FNDC3B: variants seen among roughly 807,000 people sequenced by gnomAD.
FNDC3B encodes the protein fibronectin type III domain-containing protein 3B.
In FNDC3B, 12 loss-of-function variants were observed where a neutral mutation model predicts 151.5. The ratio of observed to expected loss-of-function variants is 0.08; its 90% CI spans 0.05 to 0.13. The LOEUF is 0.13. FNDC3B is among the 10% of genes least tolerant of loss of function. The probability of loss-of-function intolerance (pLI) is 1.00; values close to 1 mark genes in which losing one functional copy is unlikely to be tolerated. For synonymous variants in FNDC3B, 528 were observed against 549.0 expected (o/e 0.96, Z 0.54); for missense variants, 1,214 against 1,505.3 (o/e 0.81, Z 3.20).
chr3:172,259,536 C>T (rs1359410686), intron 6 of FNDC3B, among the ~76,000 whole-genome samples: 1 of 152,172 alleles, frequency 6.6e-6, no homozygotes, highest in East Asian at 1.9e-4. Context: ...TGGGCCTTAT[C>T]CTGCAGGCCC....
chr3:172,166,023 A>G (rs990105579), intron 3 of FNDC3B, among the ~76,000 whole-genome samples: 1 of 151,496 alleles, frequency 6.6e-6, no homozygotes, highest in African/African-American at 2.4e-5. Flanking sequence ...TCTTTTATGC[A>G]TGAAGGGCCT....
At chr3:172,047,877 C>T (rs1716439402) in intron 1 of FNDC3B, among the ~76,000 whole-genome samples, 1 of 152,050 alleles carries the variant, frequency 6.6e-6, no homozygotes, top group Admixed American at 6.6e-5. Context: ...CATTTGATGG[C>T]AGATTGGGGA....
intron 1 of FNDC3B, among the ~76,000 whole-genome samples, chr3:172,070,194 G>GCTAA (rs1255347819): frequency 6.6e-6 from 1 of 152,232 alleles, no homozygotes; most frequent in East Asian, 1.9e-4. Flanking sequence ...TTTTCAACAT[G>GCTAA]CTAACATTTT....
At chr3:172,343,882 G>C (rs1404736527) in intron 18 of FNDC3B, among the ~76,000 whole-genome samples, 1 of 152,104 alleles carries the variant, frequency 6.6e-6, no homozygotes, top group Non-Finnish European at 1.5e-5. Flanking sequence ...AACTTCAGTG[G>C]ACCCGCTTTG....
chr3:172,306,872 A>G (rs1284148408), intron 9 of FNDC3B: 3 of 152,798 alleles, frequency 2.0e-5, no homozygotes, highest in African/African-American at 7.2e-5. Context: ...CTAGTTTTAC[A>G]TAAATGTGTA....
chr3:172,105,076 C>T (rs1051642641), intron 1 of FNDC3B, among the ~76,000 whole-genome samples: 1 of 152,064 alleles, frequency 6.6e-6, no homozygotes, highest in African/African-American at 2.4e-5. Flanking sequence ...AACTGACTAC[C>T]TTGCTTTGCT....
At chr3:172,127,335 T>G (rs910114305) in intron 2 of FNDC3B, among the ~76,000 whole-genome samples, 1 of 152,208 alleles carries the variant, frequency 6.6e-6, no homozygotes, top group Admixed American at 6.5e-5. Context: ...TGAATTGACA[T>G]GGTGAAACCA....
Position 172,399,769 on chromosome 3 carries a change from GT to G in FNDC3B, c.*2296del, listed in dbSNP as rs1445418117. 2 of 152,704 alleles carry G rather than the reference GT, an allele frequency of 1.3e-5. No homozygotes were observed. Among genetic ancestry groups the G allele is most frequent in the South Asian group, 2.1e-4 (1 of 4,832 alleles). The allele number at this position is 152,704 out of a possible 1,614,324, so 9.5% of individuals were successfully genotyped here. On this transcript the variant is annotated 3_prime_UTR_variant, in exon 26 of 26. Coordinates refer to ENST00000415807, the MANE Select transcript of FNDC3B (RefSeq NM_022763.4). ...TGAGTACAAAGCCCCCTCTTGGGGG[GT>G]TGGGGAAGTCTCTTTTTTGAAACAC...
At chr3:172,119,169 TAAAAA>T (rs555243695) in intron 2 of FNDC3B, among the ~76,000 whole-genome samples, 5 of 102,162 alleles carry the variant, frequency 4.9e-5, no homozygotes, top group Admixed American at 2.1e-4. Flanking sequence ...GACTCTGCCT[TAAAAA>T]AAAAAAAAAA....
At chr3:172,262,894 C>CAAAAAAAAAAAAAAAAA (rs67891835) in intron 6 of FNDC3B, among the ~76,000 whole-genome samples, 5 of 60,608 alleles carry the variant, frequency 8.2e-5, no homozygotes, top group Admixed American at 2.7e-4. Flanking sequence ...GAGACCGACT[C>CAAAAAAAAAAAAAAAAA]AAAAAAAAAA....
chr3:172,326,888 A>G (rs1732379762), intron 11 of FNDC3B, among the ~76,000 whole-genome samples: 1 of 152,186 alleles, frequency 6.6e-6, no homozygotes, highest in Non-Finnish European at 1.5e-5. Context: ...AAAATGAGGC[A>G]TTAAAGGGGA....
intron 25 of FNDC3B, among the ~76,000 whole-genome samples, chr3:172,382,332 A>T (rs1735492663): frequency 6.6e-6 from 1 of 151,948 alleles, no homozygotes; most frequent in Non-Finnish European, 1.5e-5. Context: ...TTTTTCTTGT[A>T]AATTTGTGTA....
In FNDC3B at chr3:172,327,695, C is replaced by T. The variant is rs9820427; in HGVS notation, c.1255-1257C>T. Among the ~76,000 whole-genome samples the T allele has an allele frequency of 9.6e-3, 1,465 of 152,326 alleles. 33 individuals carry two copies. Among genetic ancestry groups the T allele is most frequent in the African/African-American group, 0.033 (1,392 of 41,568 alleles). On this transcript the variant is annotated intron_variant, in intron 11 of 25. Coordinates refer to ENST00000415807, the MANE Select transcript of FNDC3B (RefSeq NM_022763.4). ...CTGGGATTACAGGCGTGAGCCACCG[C>T]GCCCGGCCAGTGTGGTTGTTTTTAA... is the stretch of plus-strand genomic sequence containing the variant.
chr3:172,166,082 T>G (rs1722987409), intron 3 of FNDC3B, among the ~76,000 whole-genome samples: 1 of 152,166 alleles, frequency 6.6e-6, no homozygotes, highest in Admixed American at 6.5e-5. Context: ...TTAGGAAACA[T>G]AGAATCCTTT....
At chr3:172,207,653 A>AG (rs1725501204) in intron 3 of FNDC3B, among the ~76,000 whole-genome samples, 1 of 152,236 alleles carries the variant, frequency 6.6e-6, no homozygotes, top group African/African-American at 2.4e-5. Flanking sequence ...AAAGGCATCA[A>AG]GGAGGTTCTC....
chr3:172,312,426 A>T (rs757560941), intron 11 of FNDC3B, among the ~76,000 whole-genome samples: 7 of 152,230 alleles, frequency 4.6e-5, no homozygotes, highest in Non-Finnish European at 8.8e-5. Flanking sequence ...ATAGTCAGTC[A>T]GGAATGTTGG....
At chr3:172,376,728 A>G (rs1735159304) in intron 23 of FNDC3B, among the ~76,000 whole-genome samples, 1 of 152,126 alleles carries the variant, frequency 6.6e-6, no homozygotes, top group Non-Finnish European at 1.5e-5. Flanking sequence ...ACTTCCTTAC[A>G]CAGCAAAGCA....
At chr3:172,327,222 C>T (rs1203761946) in intron 11 of FNDC3B, among the ~76,000 whole-genome samples, 2 of 152,178 alleles carry the variant, frequency 1.3e-5, no homozygotes, top group Non-Finnish European at 2.9e-5. Context: ...CTGCACACCC[C>T]CAACTCGGCC....
intron 3 of FNDC3B, among the ~76,000 whole-genome samples, chr3:172,189,696 C>T (rs1157910264): frequency 6.6e-6 from 1 of 150,988 alleles, no homozygotes; most frequent in African/African-American, 2.4e-5. Context: ...CGCCTTTGGT[C>T]CCAGCTGCTC....
Sources: gnomAD v4.1 joint callset for allele counts (sites outside exome capture counted in the v4.1 genomes callset) on GRCh38, gnomAD v4.1.1 for gene constraint, MANE v1.5 for transcripts, NCBI Gene and HGNC (gene_info 2026-07-23, HGNC 2026-07-21) for gene names.